Variants in USP15 observed in about 807,000 individuals in gnomAD.
USP15 encodes the protein ubiquitin carboxyl-terminal hydrolase 15.
USP15 carries 18 observed loss-of-function variants against 127.1 expected under a neutral mutation model. The observed-to-expected ratio is 0.14, with a 90% CI of 0.10 to 0.21. The LOEUF (loss-of-function observed/expected upper bound fraction) is 0.21. Among genes scored for constraint, USP15 ranks in the 10% least tolerant of loss-of-function variants. USP15 has a pLI of 1.00. For missense variants in USP15, 805 were observed against 1,159.9 expected, an observed-to-expected ratio of 0.69 and a Z score of 4.44; for synonymous variants, 364 against 393.7, an observed-to-expected ratio of 0.92 and a Z score of 0.89.
At chr12:62,303,095 C>T (rs1243238748) in intron 3 of USP15, 175 bp downstream of exon 3, 13 of 614,596 alleles carry the variant, frequency 2.1e-5, no homozygotes. Context: ...TTTACTTATG[C>T]TAGCCACTAT....
intron 7 of USP15, among the ~76,000 whole-genome samples, chr12:62,351,189 T>G (rs1218929559): frequency 2.6e-5 from 4 of 151,914 alleles, no homozygotes; most frequent in Non-Finnish European, 4.4e-5. Flanking sequence ...CTATGTGTAA[T>G]AATATTACAA....
intron 1 of USP15, among the ~76,000 whole-genome samples, chr12:62,288,701 T>A (rs1484130326): frequency 6.6e-6 from 1 of 152,176 alleles, no homozygotes; most frequent in African/African-American, 2.4e-5. Context: ...TCAACTTTTC[T>A]CCATTCGTAT....
rs774864569 is a variant in USP15 at position 62,384,322 on chromosome 12, G to GTTTT, written c.1473+21_1473+24dup. 66 of 918,594 alleles carry GTTTT rather than the reference G, an allele frequency of 7.2e-5. No homozygotes were observed. The highest frequency in any genetic ancestry group is 4.1e-4 in the South Asian group (14 of 34,332). The allele number at this position is 918,594 out of a possible 1,614,324, so 56.9% of individuals were successfully genotyped here. A position where few individuals can be genotyped will look rare whatever the true frequency, so the allele number is the denominator to read the frequency against. On this transcript the variant is annotated intron_variant, in intron 11 of 21. Coordinates refer to ENST00000280377, the MANE Select transcript of USP15 (RefSeq NM_001252078.2). ...ATGCAGGTAAATCATGGGTTGGTTT[G>GTTTT]TTTTGTTTTTTTTTTTTTTTTTTTG...
rs1283981459 is a variant in USP15, at chr12:62,294,316, T to C, written c.217+10T>C. 2.5e-6 allele frequency: 4 copies of C among 1,602,142 alleles called. No individual in the cohort carries two copies. Among genetic ancestry groups the C allele is most frequent in the Non-Finnish European group, 3.4e-6 (4 of 1,177,012 alleles). On this transcript the variant is annotated intron_variant, in intron 2 of 21. Transcript: ENST00000280377. ...TCTGGACTTCTCAAAGGTCATTATTTTCTTCCTTCAGTCAAGTTGTAAATG... is the reference window on the plus strand; with the variant it reads ...TCTGGACTTCTCAAAGGTCATTATTCTCTTCCTTCAGTCAAGTTGTAAATG...
rs185349906 is a variant in USP15 at position 62,352,487 on chromosome 12, C to T, written c.771-2844C>T. On this transcript the variant is annotated intron_variant, in intron 7 of 21. Transcript: ENST00000280377. The stretch of plus-strand genomic sequence containing the variant: ...TATTTGCTTTGGTATATTACTAATA[C>T]TGCCTTTTAAAAATATTTTTAACGT... 1.0e-3 allele frequency among the ~76,000 whole-genome samples: 153 copies of T among 152,104 alleles called. 2 individuals carry two copies. Among genetic ancestry groups the T allele is most frequent in the Admixed American group, 6.6e-3 (100 of 15,262 alleles).
chr12:62,379,423 C>T (rs928387956), intron 8 of USP15, among the ~76,000 whole-genome samples: 8 of 151,986 alleles, frequency 5.3e-5, no homozygotes, highest in African/African-American at 1.9e-4. Flanking sequence ...GGATTTATAG[C>T]AAGGAAGCAA....
At chr12:62,313,472 A>G (rs947640642) in intron 3 of USP15, among the ~76,000 whole-genome samples, 3 of 151,604 alleles carry the variant, frequency 2.0e-5, no homozygotes, top group African/African-American at 7.2e-5. Context: ...ACTACCAGTG[A>G]TTAGTAGCTA....
At position 62,322,203 on chromosome 12, in the gene USP15, C is replaced by T. The variant is rs527348602; in HGVS notation, c.621+594C>T. 2.0e-5 allele frequency among the ~76,000 whole-genome samples: 3 copies of T among 152,316 alleles called. No individual in the cohort carries two copies. In the East Asian group the frequency reaches 5.8e-4, roughly 29 times the overall value. On this transcript the variant is annotated intron_variant, in intron 5 of 21. Transcript: ENST00000280377. ...AGTGCAGTGATGCAATCTCGGCTCA[C>T]TGCAACCTCTGCTTCCCAAGTTGAA...
chr12:62,278,965 A>G (rs2063572083), intron 1 of USP15: 3 of 152,166 alleles, frequency 2.0e-5, no homozygotes, highest in Admixed American at 6.5e-5. Flanking sequence ...CAAAAATCTT[A>G]AGTCACACCG....
chr12:62,321,633 G>A (rs199512210), intron 5 of USP15, 24 bp downstream of exon 5: 4 of 732,622 alleles, frequency 5.5e-6, no homozygotes, highest in Non-Finnish European at 3.7e-6. Context: ...TAAGCATACT[G>A]TATTATACAT....
intron 6 of USP15, among the ~76,000 whole-genome samples, chr12:62,333,849 G>A (rs2065375364): frequency 6.6e-6 from 1 of 152,012 alleles, no homozygotes. Flanking sequence ...CAAAAATGTA[G>A]AGACAACATA....
chr12:62,275,254 G>C (rs2063457533), intron 1 of USP15, among the ~76,000 whole-genome samples: 1 of 152,004 alleles, frequency 6.6e-6, no homozygotes, highest in Admixed American at 6.6e-5. Context: ...TTGAGGACTA[G>C]CTCTGAGATG....
At chr12:62,358,383 G>C (rs1442944277) in intron 8 of USP15, among the ~76,000 whole-genome samples, 1 of 152,022 alleles carries the variant, frequency 6.6e-6, no homozygotes, top group Non-Finnish European at 1.5e-5. Context: ...CTTGTTTGGT[G>C]AATATGGTAC....
At chr12:62,396,492 A>G in intron 20 of USP15, 94 bp downstream of exon 20, 1 of 1,058,102 alleles carries the variant, frequency 9.5e-7, no homozygotes. Context: ...TAAGGATAAA[A>G]TATCAGATGT....
At position 62,294,182 on chromosome 12, in the gene USP15, C is replaced by T. The variant is rs1285922703; in HGVS notation, c.93C>T (p.Tyr31=). 1.9e-6 allele frequency: 3 copies of T among 1,611,870 alleles called. No homozygotes were observed. Among genetic ancestry groups the T allele is most frequent in the Admixed American group, 1.7e-5 (1 of 59,516 alleles). ...KTSLRKGDTW[Y]LVDSRWFKQW... is the part of the protein sequence containing the mutation. ...ACCAATTTCTTTTATTTTTTAGGTA[C>T]CTAGTCGATAGTCGCTGGTTCAAAC... The change falls in exon 2 of 22, where the codon TAC becomes TAT. Residue 31 remains tyrosine (Y), a synonymous_variant. Transcript: ENST00000280377.
At chr12:62,278,953 T>C (rs2063571593) in intron 1 of USP15, among the ~76,000 whole-genome samples, 2 of 152,164 alleles carry the variant, frequency 1.3e-5, no homozygotes, top group African/African-American at 2.4e-5. Context: ...CATTATAAAG[T>C]CCAAAAATCT....
intron 4 of USP15, among the ~76,000 whole-genome samples, chr12:62,320,627 A>G (rs951391831): frequency 1.3e-5 from 2 of 152,148 alleles, no homozygotes; most frequent in Admixed American, 1.3e-4. Context: ...TAATGCCCTT[A>G]TCAAAACCTT....
chr12:62,390,722 A>C, intron 14 of USP15, 142 bp from the exon 15 acceptor site: 2 of 538,518 alleles, frequency 3.7e-6, no homozygotes, highest in South Asian at 6.1e-5. Context: ...TTATGGTACT[A>C]AAAGTTTGAA....
intron 8 of USP15, among the ~76,000 whole-genome samples, chr12:62,367,363 C>G (rs939517505): frequency 6.6e-6 from 1 of 152,088 alleles, no homozygotes; most frequent in Non-Finnish European, 1.5e-5. Flanking sequence ...TCCCGAGTAG[C>G]TGGGACTCCA....
Sources: allele counts gnomAD v4.1 joint callset (sites outside exome capture counted in the v4.1 genomes callset), GRCh38; gene constraint gnomAD v4.1.1; transcripts MANE v1.5; gene names NCBI Gene and HGNC (gene_info 2026-07-23, HGNC 2026-07-21).